The following NEK11 variants were observed in gnomAD, a reference collection of about 807,000 sequenced individuals.
NEK11 encodes the protein NIMA related kinase 11, also known as serine/threonine-protein kinase Nek11.
Under a neutral mutation model 80.7 loss-of-function variants are expected in NEK11, and 72 were observed. That is an observed-to-expected ratio of 0.89 (90% CI 0.74 to 1.08). The LOEUF is 1.08. NEK11 is among the 50% of genes least tolerant of loss of function. The probability of loss-of-function intolerance (pLI) is 0.00; values close to 1 mark genes in which losing one functional copy is unlikely to be tolerated. For synonymous variants in NEK11, 251 were observed against 260.7 expected, an observed-to-expected ratio of 0.96 and a Z score of 0.36; for missense variants, 764 against 763.6, an observed-to-expected ratio of 1.00 and a Z score of -0.01.
chr3:131,260,929 A>C (rs1358055069), intron 16 of NEK11, among the ~76,000 whole-genome samples: 1 of 152,186 alleles, frequency 6.6e-6, no homozygotes, highest in Admixed American at 6.6e-5. Context: ...TTGTTTGCCA[A>C]AATATCCACC....
chr3:131,269,227 G>A (rs1214896162), intron 16 of NEK11, among the ~76,000 whole-genome samples: 1 of 152,202 alleles, frequency 6.6e-6, no homozygotes, highest in Non-Finnish European at 1.5e-5. Flanking sequence ...GATCCGCTGA[G>A]CTAGACCACT....
chr3:131,230,998 G>C (rs144127052), intron 15 of NEK11, among the ~76,000 whole-genome samples: 1 of 152,156 alleles, frequency 6.6e-6, no homozygotes, highest in African/African-American at 2.4e-5. Context: ...GTAAGACATG[G>C]CTTTCACCTT....
chr3:131,322,685 CAT>C (rs533263630), intron 17 of NEK11, among the ~76,000 whole-genome samples: 146 of 152,270 alleles, frequency 9.6e-4, no homozygotes, highest in African/African-American at 3.3e-3. Context: ...AAGCAGCTCA[CAT>C]GTGATGCAAT....
Position 131,162,502 on chromosome 3 carries a change from G to C in NEK11, c.1057G>C (p.Ala353Pro), listed in dbSNP as rs1280657741. 2.5e-6 allele frequency: 4 copies of C among 1,613,992 alleles called. No individual in the cohort carries two copies. Among genetic ancestry groups the C allele is most frequent in the Non-Finnish European group, 3.4e-6 (4 of 1,179,982 alleles). ...GATGCGGCTGAGGAAGCTCCAGGCG[G>C]CTGATGAGAAAGCCAGGAAGCTGAA... ...ERMRLRKLQAADEKARKLKKI... is the reference protein window; with the variant it reads ...ERMRLRKLQAPDEKARKLKKI... Residue 353 changes from alanine (A) to proline (P), a missense_variant, in exon 11 of 18, where the codon GCT becomes CCT. By Grantham distance (27) the Ala-to-Pro change is conservative. Coordinates refer to ENST00000383366, the MANE Select transcript of NEK11 (RefSeq NM_024800.5).
At position 131,130,765 on chromosome 3, in the gene NEK11, G is replaced by A. The variant is rs142277329; in HGVS notation, c.456-1980G>A. Among the ~76,000 whole-genome samples, 288 of 152,198 alleles carry A rather than the reference G, an allele frequency of 1.9e-3. 5 individuals carry two copies. The East Asian group carries it at 0.039, about 21-fold the overall frequency. On this transcript the variant is annotated intron_variant, in intron 5 of 17. Coordinates refer to ENST00000383366, the MANE Select transcript of NEK11 (RefSeq NM_024800.5). ...TGCATACCTAGTATAAATCCCACTT[G>A]GTTGTGGTGTATAATTCTCCTGACA...
At chr3:131,269,708 T>G (rs1469219346) in intron 16 of NEK11, among the ~76,000 whole-genome samples, 2 of 152,124 alleles carry the variant, frequency 1.3e-5, no homozygotes, top group Admixed American at 1.3e-4. Context: ...AAGTAGTTTT[T>G]GAAAATTAAC....
chr3:131,319,031 T>C (rs1180978119), intron 17 of NEK11, among the ~76,000 whole-genome samples: 2 of 152,060 alleles, frequency 1.3e-5, no homozygotes, highest in Non-Finnish European at 2.9e-5. Context: ...TTCAGTTTTA[T>C]AACTCATATA....
chr3:131,165,265 G>A (rs551356256), intron 11 of NEK11, 161 bp from the exon 12 acceptor site: 23 of 564,664 alleles, frequency 4.1e-5, no homozygotes, highest in African/African-American at 1.5e-4. Context: ...AGAATCAGCC[G>A]GGTGCTGCAC....
At chr3:131,254,935 G>T (rs113435470) in intron 16 of NEK11, among the ~76,000 whole-genome samples, 1 of 151,728 alleles carries the variant, frequency 6.6e-6, no homozygotes, top group Non-Finnish European at 1.5e-5. Flanking sequence ...CAGGAGAATC[G>T]CTTTAACCCA....
intron 3 of NEK11, among the ~76,000 whole-genome samples, chr3:131,072,718 T>A (rs1013018790): frequency 6.6e-6 from 1 of 152,000 alleles, no homozygotes; most frequent in Non-Finnish European, 1.5e-5. Flanking sequence ...CAGAAAGCTG[T>A]CTCCTCCATG....
chr3:131,212,185 T>G (rs1217465767), intron 14 of NEK11, among the ~76,000 whole-genome samples: 1 of 152,182 alleles, frequency 6.6e-6, no homozygotes, highest in Non-Finnish European at 1.5e-5. Flanking sequence ...TGATGCTATT[T>G]CTTTCTGTTT....
chr3:131,206,592 GAAAC>G (rs2094446858), intron 14 of NEK11, among the ~76,000 whole-genome samples: 1 of 152,122 alleles, frequency 6.6e-6, no homozygotes, highest in African/African-American at 2.4e-5. Context: ...ATTAAAGTAA[GAAAC>G]AATAAAAATA....
chr3:131,088,780 C>A (rs1399583350), intron 4 of NEK11, among the ~76,000 whole-genome samples: 2 of 152,104 alleles, frequency 1.3e-5, no homozygotes, highest in Non-Finnish European at 2.9e-5. Flanking sequence ...AATCATAATA[C>A]TGCATGGCAT....
rs1193010466 is a variant in NEK11, at chr3:131,349,498, T to A, written c.1719-59T>A. 2.9e-6 allele frequency: 4 copies of A among 1,396,918 alleles called. No homozygotes were observed. In the Admixed American group the frequency reaches 7.9e-5, roughly 28 times the overall value. The allele number at this position is 1,396,918 out of a possible 1,614,324, so 86.5% of individuals were successfully genotyped here. On this transcript the variant is annotated intron_variant, in intron 17 of 17. Coordinates refer to ENST00000383366, the MANE Select transcript of NEK11 (RefSeq NM_024800.5). ...TAAAATCAATGATTTAAAAGCACAT[T>A]TTCCTGCAGGTGATCTTAATGTGTA...
chr3:131,238,998 G>C (rs1462160689), intron 15 of NEK11, among the ~76,000 whole-genome samples: 1 of 152,070 alleles, frequency 6.6e-6, no homozygotes, highest in African/African-American at 2.4e-5. Context: ...TATTCATGTA[G>C]ATAGATGAGC....
Position 131,333,950 on chromosome 3 carries a change from G to A in NEK11, c.1719-15607G>A, listed in dbSNP as rs551766492. ...AAATGTATATGCATCCAATACAGGA[G>A]CACCCAGATTCATAAAGCAAGTCCT... On this transcript the variant is annotated intron_variant, in intron 17 of 17. Coordinates refer to ENST00000383366, the MANE Select transcript of NEK11 (RefSeq NM_024800.5). Among the ~76,000 whole-genome samples the A allele has an allele frequency of 5.2e-3, 787 of 152,250 alleles. 4 individuals carry two copies. The highest frequency in any genetic ancestry group is 0.018 in the African/African-American group (734 of 41,522).
chr3:131,304,106 CT>C (rs1302332087), intron 17 of NEK11, among the ~76,000 whole-genome samples: 2 of 151,974 alleles, frequency 1.3e-5, no homozygotes, highest in African/African-American at 4.8e-5. Context: ...GAGGTTCATT[CT>C]TTTTTATCCT....
In NEK11 at chr3:131,115,960, T is replaced by TTCTTTCTTTCTTTCTTTCTTTC. The variant is rs2081100149; in HGVS notation, c.455+6041_455+6062dup. 6.5e-4 allele frequency among the ~76,000 whole-genome samples: 93 copies of TTCTTTCTTTCTTTCTTTCTTTC among 142,594 alleles called. 1 individual carries two copies. Among genetic ancestry groups the TTCTTTCTTTCTTTCTTTCTTTC allele is most frequent in the Middle Eastern group, 3.5e-3 (1 of 288 alleles). The allele number at this position is 142,594 out of a possible 152,430, so 93.5% of individuals were successfully genotyped here. ...TTTCTTTCTTTCTTTCTTTCTTTCT[T>TTCTTTCTTTCTTTCTTTCTTTC]TCTTTCTTTCTTTCTTTCTTTCTTT... On this transcript the variant is annotated intron_variant, in intron 5 of 17. Coordinates refer to ENST00000383366, the MANE Select transcript of NEK11 (RefSeq NM_024800.5).
chr3:131,210,861 G>T (rs1186836593), intron 14 of NEK11, among the ~76,000 whole-genome samples: 1 of 152,114 alleles, frequency 6.6e-6, no homozygotes, highest in African/African-American at 2.4e-5. Flanking sequence ...TTGAGCCTAT[G>T]TGTGTCTCTG....
Sources: gnomAD v4.1 joint callset for allele counts (sites outside exome capture counted in the v4.1 genomes callset) on GRCh38, gnomAD v4.1.1 for gene constraint, MANE v1.5 for transcripts, NCBI Gene and HGNC (gene_info 2026-07-23, HGNC 2026-07-21) for gene names.